The following SLC4A4 variants were observed in gnomAD, a reference collection of about 807,000 sequenced individuals.
SLC4A4 encodes the protein solute carrier family 4 member 4, also known as electrogenic sodium bicarbonate cotransporter 1.
Under a neutral mutation model 111.5 loss-of-function variants are expected in SLC4A4, and 27 were observed. The ratio of observed to expected loss-of-function variants is 0.24; its 90% confidence interval spans 0.18 to 0.33. The LOEUF (loss-of-function observed/expected upper bound fraction) is 0.33. Ranked by LOEUF, SLC4A4 falls within the 10% of genes least tolerant of loss-of-function variation. SLC4A4 has a pLI of 1.00. For missense variants in SLC4A4, 909 were observed against 1,315.5 expected, an observed-to-expected ratio of 0.69 and a Z score of 4.78; for synonymous variants, 443 against 463.4, an observed-to-expected ratio of 0.96 and a Z score of 0.57.
chr4:71,340,065 G>GA (rs1338580042), intron 4 of SLC4A4, among the ~76,000 whole-genome samples: 13 of 149,626 alleles, frequency 8.7e-5, no homozygotes, highest in Admixed American at 2.7e-4. Flanking sequence ...AAAAAAAAAA[G>GA]AAAAAAAAAT....
rs111833331 is a variant in SLC4A4 at position 71,383,907 on chromosome 4, C to T, written c.731-13670C>T. Among the ~76,000 whole-genome samples the T allele has an allele frequency of 3.4e-3, 517 of 152,292 alleles. 5 individuals carry two copies. Among genetic ancestry groups the T allele is most frequent in the Middle Eastern group, 0.014 (4 of 294 alleles). On this transcript the variant is annotated intron_variant, in intron 6 of 25. Transcript: ENST00000264485. ...TTCTCCTCTACTGCCCCCGCTCTGT[C>T]GCCTTCCAGTCAGAAAAATAATGCC...
At chr4:71,146,800 A>G (rs1744184094) in intron 2 of SLC4A4, among the ~76,000 whole-genome samples, 1 of 152,194 alleles carries the variant, frequency 6.6e-6, no homozygotes, top group Non-Finnish European at 1.5e-5. Flanking sequence ...AACTGTAACG[A>G]CCATCAAGGC....
chr4:71,366,580 A>T (rs1731347251), intron 6 of SLC4A4, among the ~76,000 whole-genome samples: 1 of 152,196 alleles, frequency 6.6e-6, no homozygotes. Context: ...TACCTTGTTT[A>T]TACCTGAAGT....
intron 7 of SLC4A4, among the ~76,000 whole-genome samples, chr4:71,418,119 T>C (rs1721982816): frequency 6.6e-6 from 1 of 152,212 alleles, no homozygotes; most frequent in Non-Finnish European, 1.5e-5. Context: ...TTTAACAAGT[T>C]GATTTTTAAA....
rs780976128 is a variant in SLC4A4 at position 71,487,035 on chromosome 4, T to G, written c.1974+17T>G. ...ACTGACATGGTAAGTGACTTACTAT[T>G]TTAAATTACCTTCATACTGACTGCA... is the stretch of plus-strand genomic sequence containing the variant. On this transcript the variant is annotated intron_variant, in intron 15 of 25. Transcript: ENST00000264485. The G allele has an allele frequency of 1.6e-4, 227 of 1,463,786 alleles. No homozygotes were observed. The highest frequency in any genetic ancestry group is 2.0e-4 in the Non-Finnish European group (214 of 1,045,498). The allele number at this position is 1,463,786 out of a possible 1,614,324, so 90.7% of individuals were successfully genotyped here.
chr4:71,544,567 G>T (rs556608969), intron 18 of SLC4A4, among the ~76,000 whole-genome samples: 120 of 152,092 alleles, frequency 7.9e-4, no homozygotes, highest in African/African-American at 2.7e-3. Context: ...GAACCCAACC[G>T]CTTCTTACCA....
chr4:71,103,660 C>G (rs930454408), intron 2 of SLC4A4, among the ~76,000 whole-genome samples: 3 of 152,100 alleles, frequency 2.0e-5, no homozygotes, highest in African/African-American at 7.2e-5. Flanking sequence ...ACAACCTGCT[C>G]CTGAATGACT....
chr4:71,401,846 G>T (rs1720393085), intron 7 of SLC4A4, among the ~76,000 whole-genome samples: 1 of 152,164 alleles, frequency 6.6e-6, no homozygotes, highest in African/African-American at 2.4e-5. Flanking sequence ...TCTGTAGATT[G>T]CAGTGGATGC....
chr4:71,505,559 T>A (rs1731345276), intron 16 of SLC4A4, among the ~76,000 whole-genome samples: 2 of 152,080 alleles, frequency 1.3e-5, no homozygotes, highest in Admixed American at 6.6e-5. Context: ...TTTGTTTTTT[T>A]CTTGAAGTTC....
chr4:71,532,203 T>C (rs755831511), intron 17 of SLC4A4, 28 bp downstream of exon 17: 1 of 1,218,302 alleles, frequency 8.2e-7, no homozygotes, highest in Admixed American at 1.7e-5. Flanking sequence ...TTTTGGTCAT[T>C]CCTGGAACTC....
At position 71,160,408 on chromosome 4, in the gene SLC4A4, G is replaced by A. The variant is rs550915806; in HGVS notation, c.-2+67616G>A. Among the ~76,000 whole-genome samples, 3 of 151,948 alleles carry A rather than the reference G, an allele frequency of 2.0e-5. No individual in the cohort carries two copies. The South Asian group carries it at 6.2e-4, about 32-fold the overall frequency. On this transcript the variant is annotated intron_variant, in intron 2 of 26. Transcript: ENST00000649996. Reference sequence around the variant, plus strand: ...CCAAATTTTGTTCAGCGCCATTTGGGTACTTGATAAAATTGTAATTCTTCT... The same window carrying A: ...CCAAATTTTGTTCAGCGCCATTTGGATACTTGATAAAATTGTAATTCTTCT...
chr4:71,136,686 T>C (rs1052129291), intron 2 of SLC4A4, among the ~76,000 whole-genome samples: 1 of 152,206 alleles, frequency 6.6e-6, no homozygotes, highest in African/African-American at 2.4e-5. Flanking sequence ...ACATAATCTC[T>C]TGGATTCTCA....
At chr4:71,384,006 A>G (rs994242350) in intron 6 of SLC4A4, among the ~76,000 whole-genome samples, 3 of 152,176 alleles carry the variant, frequency 2.0e-5, no homozygotes, top group Non-Finnish European at 4.4e-5. Context: ...TTAGAACTAG[A>G]TAACTTGATG....
chr4:71,380,241 A>C (rs1717983910), intron 6 of SLC4A4, among the ~76,000 whole-genome samples: 1 of 152,186 alleles, frequency 6.6e-6, no homozygotes, highest in African/African-American at 2.4e-5. Flanking sequence ...CTGAGATATC[A>C]CAAACAGGGC....
chr4:71,142,761 CT>C (rs34495804), intron 2 of SLC4A4, among the ~76,000 whole-genome samples: 45,547 of 78,198 alleles, frequency 0.58, 12,063 homozygotes, highest in Admixed American at 0.68. Context: ...TTTTCTCACT[CT>C]TTTTTTTTTT....
rs371537509 is a variant in SLC4A4 at position 71,376,844 on chromosome 4, C to A, written c.730+19657C>A. 4.6e-5 allele frequency among the ~76,000 whole-genome samples: 7 copies of A among 151,654 alleles called. No homozygotes were observed. The South Asian group carries it at 1.5e-3, about 32-fold the overall frequency. On this transcript the variant is annotated intron_variant, in intron 6 of 25. Coordinates refer to ENST00000264485, the MANE Select transcript of SLC4A4 (RefSeq NM_001098484.3). ...TAGAGACGGGGTTTTGCCATGTTGCCGAGGCTGGTCTCGAACTCCTGGTGT... is the reference window on the plus strand; with the variant it reads ...TAGAGACGGGGTTTTGCCATGTTGCAGAGGCTGGTCTCGAACTCCTGGTGT...
chr4:71,479,282 C>T (rs1342878158), intron 14 of SLC4A4, among the ~76,000 whole-genome samples: 2 of 151,586 alleles, frequency 1.3e-5, no homozygotes, highest in East Asian at 3.9e-4. Flanking sequence ...ACTGTAAGAC[C>T]AAGCCTGGTC....
chr4:71,495,882 C>G (rs1240315603), intron 15 of SLC4A4, among the ~76,000 whole-genome samples: 1 of 152,062 alleles, frequency 6.6e-6, no homozygotes, highest in African/African-American at 2.4e-5. Flanking sequence ...CTGAGACACC[C>G]AGTCCCTTCC....
intron 2 of SLC4A4, among the ~76,000 whole-genome samples, chr4:71,116,736 G>C (rs770731599): frequency 6.6e-6 from 1 of 152,122 alleles, no homozygotes; most frequent in Non-Finnish European, 1.5e-5. Context: ...CTGAGGTTGC[G>C]AGTTCGAGAC....
Sources: gnomAD v4.1 joint callset for allele counts (sites outside exome capture counted in the v4.1 genomes callset) on GRCh38, gnomAD v4.1.1 for gene constraint, MANE v1.5 for transcripts, NCBI Gene and HGNC (gene_info 2026-07-23, HGNC 2026-07-21) for gene names.